Variants in ZNF385D observed in about 807,000 individuals in gnomAD.
ZNF385D encodes zinc finger protein 385D, also known as zinc finger protein 659.
A neutral mutation model predicts 35.8 loss-of-function variants in ZNF385D; 15 were observed. The ratio of observed to expected loss-of-function variants is 0.42; its 90% CI spans 0.28 to 0.64. The LOEUF is 0.64. Among genes scored for constraint, ZNF385D ranks in the 30% least tolerant of loss-of-function variants. ZNF385D has a pLI of 0.23. For missense variants in ZNF385D, 474 were observed against 494.6 expected (o/e 0.96, Z 0.39); for synonymous variants, 212 against 186.8 (o/e 1.13, Z -1.10).
At chr3:22,283,906 G>T (rs1042425900) in intron 2 of ZNF385D, among the ~76,000 whole-genome samples, 11 of 152,118 alleles carry the variant, frequency 7.2e-5, no homozygotes, top group African/African-American at 2.7e-4. Context: ...TGACCCTCAA[G>T]TTCTTTTAGT....
intron 2 of ZNF385D, among the ~76,000 whole-genome samples, chr3:22,369,982 G>A (rs2125233927): frequency 6.6e-6 from 1 of 152,264 alleles, no homozygotes; most frequent in Non-Finnish European, 1.5e-5. Context: ...TAAGTTAGAT[G>A]TGACTCATCT....
intron 3 of ZNF385D, among the ~76,000 whole-genome samples, chr3:22,119,259 T>A (rs1025487891): frequency 6.6e-6 from 1 of 152,096 alleles, no homozygotes. Flanking sequence ...TAAATCAACA[T>A]CTTCATTACT....
intron 1 of ZNF385D, among the ~76,000 whole-genome samples, chr3:21,730,775 G>A (rs530321950): frequency 2.0e-5 from 3 of 152,340 alleles, no homozygotes; most frequent in South Asian, 2.1e-4. Flanking sequence ...CTCCCCAGAG[G>A]ATTCTTTTTA....
chr3:22,372,152 T>C (rs1370912253), intron 2 of ZNF385D, among the ~76,000 whole-genome samples: 1 of 151,920 alleles, frequency 6.6e-6, no homozygotes, highest in African/African-American at 2.4e-5. Flanking sequence ...GCCCCTTGGT[T>C]CTCGGCAATG....
chr3:22,111,310 T>C (rs1052346959), intron 3 of ZNF385D, among the ~76,000 whole-genome samples: 4 of 151,784 alleles, frequency 2.6e-5, no homozygotes, highest in African/African-American at 9.7e-5. Flanking sequence ...CCCTGTGAAC[T>C]TGGTAAATGT....
intron 3 of ZNF385D, among the ~76,000 whole-genome samples, chr3:21,911,655 A>G (rs1413898134): frequency 6.6e-6 from 1 of 151,210 alleles, no homozygotes; most frequent in Non-Finnish European, 1.5e-5. Context: ...GCTATATTGC[A>G]GAAGGCATAC....
rs538245909 is a variant in ZNF385D at position 21,893,859 on chromosome 3, T to A, written c.326-228831A>T. Among the ~76,000 whole-genome samples the A allele has an allele frequency of 3.3e-5, 5 of 152,326 alleles. No individual in the cohort carries two copies. The East Asian group carries it at 7.7e-4, about 23-fold the overall frequency. ...TCTGCAGACTTTTAATAATATCACTTGAAATTGTATTTAGTTTTTAAATTT... is the reference window on the plus strand; with the variant it reads ...TCTGCAGACTTTTAATAATATCACTAGAAATTGTATTTAGTTTTTAAATTT... On this transcript the variant is annotated intron_variant, in intron 3 of 5. Transcript: ENST00000494108.
intron 2 of ZNF385D, among the ~76,000 whole-genome samples, chr3:22,253,843 C>A (rs913402039): frequency 1.4e-5 from 2 of 143,500 alleles, no homozygotes; most frequent in Admixed American, 1.4e-4. Context: ...CAGAAACAAA[C>A]AAAACATGAC....
intron 2 of ZNF385D, among the ~76,000 whole-genome samples, chr3:22,230,357 G>T (rs1260918951): frequency 6.6e-6 from 1 of 152,058 alleles, no homozygotes; most frequent in African/African-American, 2.4e-5. Flanking sequence ...TCTGGCTCAC[G>T]TTACTTCCAG....
chr3:21,909,203 T>C (rs966138456), intron 3 of ZNF385D, among the ~76,000 whole-genome samples: 2 of 152,048 alleles, frequency 1.3e-5, no homozygotes, highest in Non-Finnish European at 2.9e-5. Context: ...ACGGATATAA[T>C]ACGGTCCACA....
chr3:21,850,432 C>T (rs1194971354), intron 3 of ZNF385D, among the ~76,000 whole-genome samples: 1 of 152,030 alleles, frequency 6.6e-6, no homozygotes, highest in African/African-American at 2.4e-5. Context: ...TCTCTTTGAG[C>T]TGTAGACACA....
intron 3 of ZNF385D, among the ~76,000 whole-genome samples, chr3:21,921,522 TATG>T (rs34496325): frequency 0.11 from 17,437 of 152,044 alleles, 1,337 homozygotes; most frequent in South Asian, 0.25. Flanking sequence ...AAGTAAATCT[TATG>T]ATATCAAAGC....
At chr3:21,677,691 C>A (rs1459485541) in intron 1 of ZNF385D, among the ~76,000 whole-genome samples, 1 of 151,728 alleles carries the variant, frequency 6.6e-6, no homozygotes, top group Admixed American at 6.6e-5. Context: ...TAAAGCAGTC[C>A]TAATTTCAAA....
chr3:22,170,626 A>G (rs149828536), intron 2 of ZNF385D, among the ~76,000 whole-genome samples: 121 of 152,326 alleles, frequency 7.9e-4, no homozygotes, highest in African/African-American at 2.9e-3. Flanking sequence ...TGCAATTTAA[A>G]TGGTCATTTT....
At chr3:21,505,368 T>G (rs1349830786) in intron 4 of ZNF385D, among the ~76,000 whole-genome samples, 1 of 146,940 alleles carries the variant, frequency 6.8e-6, no homozygotes, top group African/African-American at 2.5e-5. Context: ...ACCATAAGAT[T>G]GAAGGAACAG....
intron 3 of ZNF385D, among the ~76,000 whole-genome samples, chr3:21,997,410 A>C (rs1214432810): frequency 1.3e-5 from 2 of 152,184 alleles, no homozygotes; most frequent in African/African-American, 4.8e-5. Flanking sequence ...ATGACGAGTT[A>C]ACGGGTGCAG....
At chr3:21,703,925 C>T (rs888226694) in intron 1 of ZNF385D, among the ~76,000 whole-genome samples, 5 of 152,162 alleles carry the variant, frequency 3.3e-5, no homozygotes, top group African/African-American at 1.2e-4. Context: ...TTAAGATCTT[C>T]GAACATGCCA....
chr3:21,992,405 T>C (rs1052130308), intron 3 of ZNF385D, among the ~76,000 whole-genome samples: 1 of 152,158 alleles, frequency 6.6e-6, no homozygotes, highest in Non-Finnish European at 1.5e-5. Context: ...GGAGGTAGAA[T>C]AACCGTTTCT....
At chr3:21,785,737 G>A (rs1241358583) in intron 3 of ZNF385D, among the ~76,000 whole-genome samples, 1 of 152,150 alleles carries the variant, frequency 6.6e-6, no homozygotes, top group Non-Finnish European at 1.5e-5. Context: ...ACAAACACCT[G>A]TTAAGTATCT....
Sources: allele counts gnomAD v4.1 joint callset (sites outside exome capture counted in the v4.1 genomes callset), GRCh38; gene constraint gnomAD v4.1.1; transcripts MANE v1.5; gene names NCBI Gene and HGNC (gene_info 2026-07-23, HGNC 2026-07-21).